ZFPM2: variants seen among roughly 807,000 people sequenced by gnomAD.
ZFPM2 encodes zinc finger protein ZFPM2.
ZFPM2 carries 20 observed loss-of-function variants against 98.6 expected under a neutral mutation model. The observed-to-expected ratio is 0.20, with a 90% confidence interval of 0.14 to 0.29. The LOEUF is 0.29. Among genes scored for constraint, ZFPM2 ranks in the 10% least tolerant of loss-of-function variants. The probability of loss-of-function intolerance (pLI) is 1.00; values close to 1 mark genes in which losing one functional copy is unlikely to be tolerated. For synonymous variants in ZFPM2, 518 were observed against 502.7 expected (o/e 1.03, Z -0.41); for missense variants, 1,310 against 1,388.6 (o/e 0.94, Z 0.90).
At chr8:105,561,509 AT>A (rs1354474130) in intron 4 of ZFPM2, 28 bp downstream of exon 4, 1 of 1,531,518 alleles carries the variant, frequency 6.5e-7, no homozygotes, top group Non-Finnish European at 8.9e-7. Flanking sequence ...GATGGTTAAT[AT>A]TTTGTCATCG....
intron 5 of ZFPM2, among the ~76,000 whole-genome samples, chr8:105,740,925 A>G (rs892346169): frequency 2.0e-5 from 3 of 152,122 alleles, no homozygotes; most frequent in African/African-American, 7.2e-5. Flanking sequence ...TACTTGAGAA[A>G]GAAACATTTG....
At chr8:105,628,558 A>AT (rs1747704833) in intron 4 of ZFPM2, among the ~76,000 whole-genome samples, 1 of 152,106 alleles carries the variant, frequency 6.6e-6, no homozygotes, top group Admixed American at 6.5e-5. Context: ...GTCCCATCAT[A>AT]TGCCTATAAA....
At chr8:105,700,137 A>G (rs578026522) in intron 5 of ZFPM2, among the ~76,000 whole-genome samples, 1 of 152,322 alleles carries the variant, frequency 6.6e-6, no homozygotes, top group African/African-American at 2.4e-5. Flanking sequence ...TAGGGTATCA[A>G]AACATCAAGT....
intron 4 of ZFPM2, among the ~76,000 whole-genome samples, chr8:105,575,253 A>G (rs1171220445): frequency 6.6e-6 from 1 of 152,160 alleles, no homozygotes; most frequent in Non-Finnish European, 1.5e-5. Flanking sequence ...CTTTGGTTGC[A>G]GCCATCTATT....
At position 105,802,751 on chromosome 8, in the gene ZFPM2, T is replaced by G. The variant is rs1814073725; in HGVS notation, c.2669T>G (p.Leu890Arg). ...CATCAGCGTAATGACCTGGGTCAAC[T>G]GGACGGCAAAGTGTTTCCGAATCCA... ...TAHQRNDLGQ[L>R]DGKVFPNPES... is the part of the protein sequence containing the mutation. Residue 890 changes from leucine to arginine, a missense_variant, in exon 8 of 8, where the codon CTG becomes CGG. Coordinates refer to ENST00000407775, the MANE Select transcript of ZFPM2 (RefSeq NM_012082.4). 8.1e-6 allele frequency: 13 copies of G among 1,613,634 alleles called. No individual in the cohort carries two copies. In the East Asian group the frequency reaches 2.5e-4, roughly 30 times the overall value.
chr8:105,634,881 A>T (rs962844187), intron 5 of ZFPM2, among the ~76,000 whole-genome samples: 1 of 152,200 alleles, frequency 6.6e-6, no homozygotes, highest in Non-Finnish European at 1.5e-5. Flanking sequence ...AACTCTAAAG[A>T]GGAAGCTGAT....
chr8:105,395,163 C>T (rs1353101636), intron 1 of ZFPM2, among the ~76,000 whole-genome samples: 4 of 152,158 alleles, frequency 2.6e-5, no homozygotes, highest in East Asian at 3.9e-4. Flanking sequence ...CAAATCCTTC[C>T]GCTACAGAAG....
chr8:105,517,738 CA>C (rs1436776506), intron 3 of ZFPM2, among the ~76,000 whole-genome samples: 3 of 151,504 alleles, frequency 2.0e-5, no homozygotes, highest in East Asian at 2.0e-4. Context: ...CACACACACA[CA>C]CACCCCTAGT....
chr8:105,459,169 C>T (rs1812657550), intron 3 of ZFPM2, among the ~76,000 whole-genome samples: 1 of 152,144 alleles, frequency 6.6e-6, no homozygotes, highest in Non-Finnish European at 1.5e-5. Context: ...ACCTCAGCCT[C>T]CCAGATAGCT....
At position 105,802,116 on chromosome 8, in the gene ZFPM2, G is replaced by C; in HGVS notation, c.2034G>C (p.Val678=). The C allele has an allele frequency of 6.2e-7, 1 of 1,613,852 alleles. No individual in the cohort carries two copies. The highest frequency in any genetic ancestry group is 1.1e-5 in the South Asian group (1 of 91,070). The change falls in exon 8 of 8, where the codon GTG becomes GTC. Residue 678 remains valine (V), a synonymous_variant. Transcript: ENST00000407775. ...TGAAAAATCCCAGTGTCCCCTTAGT[G>C]GATGGGGAAAGTGACCCAAATAAGA... The part of the protein sequence containing the change: ...VDVKNPSVPL[V]DGESDPNKTT...
chr8:105,774,224 C>T (rs546778997), intron 5 of ZFPM2, among the ~76,000 whole-genome samples: 49 of 152,178 alleles, frequency 3.2e-4, no homozygotes, highest in African/African-American at 1.1e-3. Context: ...CACTGTTCCT[C>T]CAGTAGGCAA....
At chr8:105,722,926 C>T (rs1811702676) in intron 5 of ZFPM2, among the ~76,000 whole-genome samples, 1 of 151,890 alleles carries the variant, frequency 6.6e-6, no homozygotes, top group Admixed American at 6.6e-5. Context: ...GTGCCAGTAT[C>T]ATATGAGTCC....
intron 5 of ZFPM2, among the ~76,000 whole-genome samples, chr8:105,635,108 G>T (rs1183386198): frequency 1.3e-5 from 2 of 152,138 alleles, no homozygotes; most frequent in Non-Finnish European, 2.9e-5. Flanking sequence ...TACTCTTACA[G>T]TATAATCCCT....
chr8:105,501,972 A>G (rs2130474704), intron 3 of ZFPM2, among the ~76,000 whole-genome samples: 1 of 152,292 alleles, frequency 6.6e-6, no homozygotes, highest in African/African-American at 2.4e-5. Flanking sequence ...ATTAATCACC[A>G]TTTATGGAAT....
At chr8:105,411,247 T>C (rs1297113095) in intron 1 of ZFPM2, among the ~76,000 whole-genome samples, 4 of 151,804 alleles carry the variant, frequency 2.6e-5, no homozygotes, top group Non-Finnish European at 4.4e-5. Context: ...TAAGATAGAA[T>C]TATAACAAAG....
At chr8:105,550,660 C>T (rs140091780) in intron 3 of ZFPM2, among the ~76,000 whole-genome samples, 91 of 152,272 alleles carry the variant, frequency 6.0e-4, no homozygotes, top group African/African-American at 2.0e-3. Context: ...AAATCACATA[C>T]TTTGGGAATT....
intron 5 of ZFPM2, among the ~76,000 whole-genome samples, chr8:105,655,924 A>G (rs1282370891): frequency 6.6e-6 from 1 of 151,788 alleles, no homozygotes; most frequent in Non-Finnish European, 1.5e-5. Flanking sequence ...TTTAACCCAC[A>G]TTGGCTTTTT....
rs1811956371 is a variant in ZFPM2 at position 105,318,776 on chromosome 8, C to G, written c.-166C>G. ...TGCTTGCTCATCTCCGAACGTGAAT[C>G]CGCGGCTCCCGGAGGAGCCCAGCGC... is the stretch of plus-strand genomic sequence containing the variant. On this transcript the variant is annotated 5_prime_UTR_variant, in exon 1 of 8. The change creates a new upstream start codon in the 5' untranslated region. Coordinates refer to ENST00000407775, the MANE Select transcript of ZFPM2 (RefSeq NM_012082.4). 3 of 174,086 alleles carry G rather than the reference C, an allele frequency of 1.7e-5. No individual in the cohort carries two copies. Among genetic ancestry groups the G allele is most frequent in the Non-Finnish European group, 3.4e-5 (3 of 88,720 alleles). 10.8% of individuals were successfully genotyped at this position (174,086 alleles called of 1,614,324 possible). A position where few individuals can be genotyped will look rare whatever the true frequency, so the allele number is the denominator to read the frequency against.
In ZFPM2 at chr8:105,595,930, T is replaced by A. The variant is rs1228096785; in HGVS notation, c.420+34449T>A. Among the ~76,000 whole-genome samples, 5 of 151,348 alleles carry A rather than the reference T, an allele frequency of 3.3e-5. No individual in the cohort carries two copies. In the South Asian group the frequency reaches 8.3e-4, roughly 25 times the overall value. Reference sequence around the variant, plus strand: ...CTTATAATTGACTTCCAATATCATCTAAAATCTATGTGTATTTCAAAACCA... The same window carrying A: ...CTTATAATTGACTTCCAATATCATCAAAAATCTATGTGTATTTCAAAACCA... On this transcript the variant is annotated intron_variant, in intron 4 of 7. Transcript: ENST00000407775.
Sources: allele counts gnomAD v4.1 joint callset (sites outside exome capture counted in the v4.1 genomes callset), GRCh38; gene constraint gnomAD v4.1.1; transcripts MANE v1.5; gene names NCBI Gene and HGNC (gene_info 2026-07-23, HGNC 2026-07-21).